Variants in STOX1 observed in about 807,000 individuals in gnomAD.
STOX1 encodes the protein storkhead box 1.
In STOX1, 57 loss-of-function variants were observed where a neutral mutation model predicts 74.8. That is an observed-to-expected ratio of 0.76 (90% CI 0.62 to 0.95). The LOEUF is 0.95. Among genes scored for constraint, STOX1 ranks in the 40% least tolerant of loss-of-function variants. The pLI is 0.00. For synonymous variants in STOX1, 375 were observed against 401.3 expected, an observed-to-expected ratio of 0.93 and a Z score of 0.78; for missense variants, 1,010 against 1,117.0, an observed-to-expected ratio of 0.90 and a Z score of 1.37.
chr10:68,885,007 A>G lies in STOX1; in HGVS notation c.1211A>G (p.His404Arg). Residue 404 changes from histidine (H) to arginine (R), a missense_variant, in exon 3 of 4, where the codon CAT (histidine) becomes CGT (arginine). Physicochemically the swap from His to Arg is conservative, Grantham distance 29. Coordinates refer to ENST00000298596, the MANE Select transcript of STOX1 (RefSeq NM_152709.5). ...TCCACTGACATGCTGACAATCGGGC[A>G]TAAGTATCCTTCAAAAGAGGGGGTT... Reference protein sequence around the residue: ...GTSTDMLTIGHKYPSKEGVKK... With the variant: ...GTSTDMLTIGRKYPSKEGVKK... 6.2e-7 allele frequency: 1 copy of G among 1,614,218 alleles called. No individual in the cohort carries two copies. The highest frequency in any genetic ancestry group is 8.5e-7 in the Non-Finnish European group (1 of 1,180,038).
chr10:68,885,790 A>G lies in STOX1; in HGVS notation c.1994A>G (p.Gln665Arg), dbSNP rs774996884. The change falls in exon 3 of 4, where the codon CAG (glutamine) becomes CGG (arginine). Residue 665 changes from glutamine (Q) to arginine (R), a missense_variant. Physicochemically the swap from Gln to Arg is conservative, Grantham distance 43. Transcript: ENST00000298596. ...ACRLVDNTIH[Q>R]FQNLGLLDYP... is the part of the protein sequence containing the mutation. ...AGATTAGTGGATAACACAATACACC[A>G]GTTTCAAAATCTTGGCCTTTTGGAT... is the stretch of plus-strand genomic sequence containing the variant. 17 of 1,614,016 alleles carry G rather than the reference A, an allele frequency of 1.1e-5. No individual in the cohort carries two copies. Among genetic ancestry groups the G allele is most frequent in the Non-Finnish European group, 1.4e-5 (16 of 1,180,046 alleles).
At chr10:68,874,660 CAAAAAAAA>C (rs545162403) in intron 1 of STOX1, among the ~76,000 whole-genome samples, 140 of 128,642 alleles carry the variant, frequency 1.1e-3, no homozygotes, top group Admixed American at 2.7e-3. Flanking sequence ...GACTCCGTCT[CAAAAAAAA>C]AAAAAAAAAA....
At chr10:68,889,115 G>A (rs1841039051) in intron 3 of STOX1, among the ~76,000 whole-genome samples, 1 of 151,870 alleles carries the variant, frequency 6.6e-6, no homozygotes, top group South Asian at 2.1e-4. Context: ...GGAGTAGCTT[G>A]GATTATAGGC....
chr10:68,866,945 G>GTTT (rs71474450), intron 1 of STOX1, among the ~76,000 whole-genome samples: 3,425 of 124,930 alleles, frequency 0.027, 291 homozygotes, highest in African/African-American at 0.098. Context: ...TGCTTTCCTT[G>GTTT]TTTTTTTTTT....
chr10:68,867,890 G>A (rs1241355950), intron 1 of STOX1, among the ~76,000 whole-genome samples: 7 of 152,258 alleles, frequency 4.6e-5, no homozygotes, highest in South Asian at 2.1e-4. Context: ...CGCATAAGGC[G>A]GCTAGTGCTA....
chr10:68,828,239 C>T (rs1054318033), intron 1 of STOX1: 23 of 1,049,902 alleles, frequency 2.2e-5, no homozygotes, highest in Non-Finnish European at 2.6e-5. Context: ...GGCCCTGCGG[C>T]CGCCGCGCGG....
At position 68,885,736 on chromosome 10, in the gene STOX1, C is replaced by G. The variant is rs1840933350; in HGVS notation, c.1940C>G (p.Ser647Cys). The change falls in exon 3 of 4, where the codon TCC becomes TGC. Residue 647 changes from serine (S) to cysteine (C), a missense_variant. Transcript: ENST00000298596. ...CATAGTCTGCCATCACGAGGTGCCT[C>G]CTTTTCAGACCGAACACCCTCTGCT... Reference protein sequence around the residue: ...TPHSLPSRGASFSDRTPSACR... With the variant: ...TPHSLPSRGACFSDRTPSACR... The G allele has an allele frequency of 1.2e-6, 2 of 1,614,018 alleles. No individual in the cohort carries two copies. Among genetic ancestry groups the G allele is most frequent in the Non-Finnish European group, 1.7e-6 (2 of 1,180,044 alleles).
chr10:68,855,523 C>T (rs565872754), intron 1 of STOX1, among the ~76,000 whole-genome samples: 3 of 151,806 alleles, frequency 2.0e-5, no homozygotes, highest in South Asian at 4.2e-4. Flanking sequence ...ACTGCGGCCT[C>T]GACCTCCCCA....
chr10:68,833,572 G>T (rs746900929), intron 1 of STOX1, among the ~76,000 whole-genome samples: 16 of 152,098 alleles, frequency 1.1e-4, no homozygotes, highest in Non-Finnish European at 2.2e-4. Flanking sequence ...GACAGGGGCT[G>T]CATGCACTGG....
intron 1 of STOX1, among the ~76,000 whole-genome samples, chr10:68,839,628 G>A (rs544710348): frequency 5.3e-5 from 8 of 152,260 alleles, no homozygotes; most frequent in South Asian, 2.1e-4. Context: ...GGTGGCTCAC[G>A]CCTATAATCC....
chr10:68,886,037 CT>C lies in STOX1; in HGVS notation c.2243del (p.Leu748TyrfsTer22), dbSNP rs748453516. The C allele has an allele frequency of 1.2e-6, 2 of 1,614,198 alleles. No individual in the cohort carries two copies. The highest frequency in any genetic ancestry group is 2.2e-5 in the South Asian group (2 of 91,080). ...EEDDISENDD[L>X]RQMLPGHSQY... ...AGGATGACATTTCTGAGAATGACGA[CT>C]TACGTCAAATGCTGCCTGGCCACAG... On this transcript the variant is annotated frameshift_variant, in exon 3 of 4. Coordinates refer to ENST00000298596, the MANE Select transcript of STOX1 (RefSeq NM_152709.5). LOFTEE classifies it high-confidence loss of function.
At chr10:68,841,329 T>G (rs1290641081) in intron 1 of STOX1, among the ~76,000 whole-genome samples, 1 of 152,152 alleles carries the variant, frequency 6.6e-6, no homozygotes, top group Non-Finnish European at 1.5e-5. Context: ...CTGTAACACA[T>G]TCACATAGTA....
At chr10:68,867,873 A>G (rs1325655075) in intron 1 of STOX1, among the ~76,000 whole-genome samples, 1 of 152,252 alleles carries the variant, frequency 6.6e-6, no homozygotes, top group Non-Finnish European at 1.5e-5. Flanking sequence ...CTACCGCACT[A>G]AAAAGCCGCA....
intron 1 of STOX1, among the ~76,000 whole-genome samples, chr10:68,871,535 G>A (rs531610554): frequency 7.7e-4 from 117 of 152,352 alleles, no homozygotes; most frequent in Middle Eastern, 6.8e-3. Flanking sequence ...CCAGAAGGGA[G>A]CCATTTGTCT....
rs1413679444 is a variant in STOX1, at chr10:68,885,025, A to C, written c.1229A>C (p.Glu410Ala). The change falls in exon 3 of 4, where the codon GAG (glutamate) becomes GCG (alanine). Residue 410 changes from glutamate (E) to alanine (A), a missense_variant. By Grantham distance (107) the Glu-to-Ala change is moderately radical. Transcript: ENST00000298596. ...LTIGHKYPSK[E>A]GVKKRQGLSA... ...ATCGGGCATAAGTATCCTTCAAAAG[A>C]GGGGGTTAAGAAAAGGCAGGGTCTG... 6.2e-7 allele frequency: 1 copy of C among 1,614,134 alleles called. No homozygotes were observed.
chr10:68,873,283 C>T (rs1484711173), intron 1 of STOX1, among the ~76,000 whole-genome samples: 17 of 84,472 alleles, frequency 2.0e-4, no homozygotes, highest in African/African-American at 7.2e-4. Flanking sequence ...TTTTTTGAGA[C>T]GGAGTCTCGC....
At chr10:68,846,151 TA>T (rs1046899413) in intron 1 of STOX1, among the ~76,000 whole-genome samples, 2 of 146,654 alleles carry the variant, frequency 1.4e-5, no homozygotes, top group African/African-American at 5.1e-5. Context: ...TTATTATTAT[TA>T]TTATTATTAT....
intron 1 of STOX1, among the ~76,000 whole-genome samples, chr10:68,878,392 T>C (rs1840731642): frequency 6.6e-6 from 1 of 152,116 alleles, no homozygotes; most frequent in African/African-American, 2.4e-5. Context: ...ATTTTGAGTT[T>C]TAGGTAAATT....
At chr10:68,836,056 A>C (rs528133817) in intron 1 of STOX1, among the ~76,000 whole-genome samples, 30 of 151,982 alleles carry the variant, frequency 2.0e-4, no homozygotes, top group Admixed American at 1.5e-3. Flanking sequence ...TATTTTTAGT[A>C]GAGACGGGGT....
Sources: gnomAD v4.1 joint callset for allele counts (sites outside exome capture counted in the v4.1 genomes callset) on GRCh38, gnomAD v4.1.1 for gene constraint, MANE v1.5 for transcripts, NCBI Gene and HGNC (gene_info 2026-07-23, HGNC 2026-07-21) for gene names.